TMC7: variants seen among roughly 807,000 people sequenced by gnomAD.
TMC7 encodes transmembrane channel-like protein 7.
A neutral mutation model predicts 82.9 loss-of-function variants in TMC7; 54 were observed. The ratio of observed to expected loss-of-function variants is 0.65; its 90% CI spans 0.52 to 0.82. The LOEUF (loss-of-function observed/expected upper bound fraction) is 0.82. Among genes scored for constraint, TMC7 ranks in the 40% least tolerant of loss-of-function variants. The pLI is 0.00. For missense variants in TMC7, 820 were observed against 901.2 expected (o/e 0.91, Z 1.15); for synonymous variants, 350 against 337.9 (o/e 1.04, Z -0.39).
chr16:19,042,514 T>C (rs934226323), intron 9 of TMC7, among the ~76,000 whole-genome samples: 1 of 151,208 alleles, frequency 6.6e-6, no homozygotes, highest in Non-Finnish European at 1.5e-5. Flanking sequence ...TTTTTTTTTT[T>C]TTCTTTTTTT....
intron 1 of TMC7, among the ~76,000 whole-genome samples, chr16:18,990,550 C>T (rs2038932438): frequency 6.6e-6 from 1 of 152,190 alleles, no homozygotes; most frequent in Non-Finnish European, 1.5e-5. Flanking sequence ...GAAGAGACCA[C>T]CAAACAGGCT....
At chr16:19,053,850 T>C (rs1364881748) in intron 13 of TMC7, among the ~76,000 whole-genome samples, 1 of 54,350 alleles carries the variant, frequency 1.8e-5, no homozygotes. Context: ...CTTTTCTTTC[T>C]TTTTTTTTTT....
chr16:19,002,425 C>T (rs75942085), intron 1 of TMC7, among the ~76,000 whole-genome samples: 19 of 151,930 alleles, frequency 1.3e-4, no homozygotes, highest in Non-Finnish European at 2.2e-4. Context: ...TTAGTAGAGA[C>T]AGGGTTTCAC....
chr16:18,985,696 G>T (rs1433546823), intron 1 of TMC7, among the ~76,000 whole-genome samples: 1 of 134,568 alleles, frequency 7.4e-6, no homozygotes, highest in Non-Finnish European at 1.6e-5. Flanking sequence ...TTAGATAGAT[G>T]AGTTTTTTTT....
At chr16:19,048,185 A>G (rs766081138) in intron 12 of TMC7, among the ~76,000 whole-genome samples, 1 of 149,462 alleles carries the variant, frequency 6.7e-6, no homozygotes, top group Non-Finnish European at 1.5e-5. Context: ...CATGTTGTCC[A>G]GGCTGGTCTT....
At chr16:19,020,240 G>A (rs1959900894) in intron 3 of TMC7, among the ~76,000 whole-genome samples, 1 of 152,130 alleles carries the variant, frequency 6.6e-6, no homozygotes, top group Admixed American at 6.5e-5. Flanking sequence ...CATACTTAAT[G>A]ATGAAATATT....
intron 1 of TMC7, among the ~76,000 whole-genome samples, chr16:19,002,641 G>GC (rs1199172398): frequency 6.6e-6 from 1 of 152,162 alleles, no homozygotes; most frequent in East Asian, 1.9e-4. Flanking sequence ...GCTATGCCTG[G>GC]CCCTGCTCCC....
rs572935299 is a variant in TMC7, at chr16:19,058,607, T to C, written c.2028-809T>C. Among the ~76,000 whole-genome samples, 83 of 152,188 alleles carry C rather than the reference T, an allele frequency of 5.5e-4. 2 individuals carry two copies. The highest frequency in any genetic ancestry group is 2.9e-4 in the Non-Finnish European group (20 of 68,030). On this transcript the variant is annotated intron_variant, in intron 14 of 15. Coordinates refer to ENST00000304381, the MANE Select transcript of TMC7 (RefSeq NM_024847.4). The stretch of plus-strand genomic sequence containing the variant: ...GGCGAACATCTGCAAATTTTAATAT[T>C]AAAAGTAAAAAGCAAGGCATAAGTC...
At chr16:19,040,479 A>G in intron 9 of TMC7, 33 bp downstream of exon 9, 5 of 1,591,010 alleles carry the variant, frequency 3.1e-6, no homozygotes, top group Non-Finnish European at 4.3e-6. Context: ...CAGGCATGTC[A>G]AGCCAGTCAC....
Position 19,062,663 on chromosome 16 carries a change from A to G in TMC7, c.*820A>G, listed in dbSNP as rs1962056170. The G allele has an allele frequency of 1.3e-5, 2 of 152,670 alleles. No homozygotes were observed. The highest frequency in any genetic ancestry group is 4.1e-4 in the South Asian group (2 of 4,836). 9.5% of individuals were successfully genotyped at this position (152,670 alleles called of 1,614,324 possible). ...TAGAATATCTCTTAAGATTTCCGTT[A>G]TGGTAAAAACCATATGCAATAAATA... On this transcript the variant is annotated 3_prime_UTR_variant, in exon 16 of 16. Transcript: ENST00000304381.
chr16:19,039,608 C>A (rs542829746), intron 8 of TMC7, among the ~76,000 whole-genome samples: 1 of 152,092 alleles, frequency 6.6e-6, no homozygotes. Context: ...CTTTTTATTG[C>A]GGATGGCTAT....
At chr16:19,054,077 T>G (rs930342224) in intron 13 of TMC7, among the ~76,000 whole-genome samples, 2 of 152,174 alleles carry the variant, frequency 1.3e-5, no homozygotes, top group Admixed American at 1.3e-4. Flanking sequence ...ACATTTAGGT[T>G]GTTTCCAGCA....
intron 1 of TMC7, among the ~76,000 whole-genome samples, chr16:19,006,031 C>G (rs146660671): frequency 2.5e-4 from 38 of 152,294 alleles, no homozygotes; most frequent in African/African-American, 8.9e-4. Context: ...CTTGACCGGT[C>G]CCCACCTGGC....
At chr16:18,984,585 A>C (rs548873140) in intron 1 of TMC7, 1 of 962,466 alleles carries the variant, frequency 1.0e-6, no homozygotes, top group East Asian at 1.1e-4. Context: ...ACCTTTGGTA[A>C]GTGGCTTGCC....
chr16:19,013,287 C>T (rs767517814), intron 2 of TMC7, among the ~76,000 whole-genome samples: 4 of 151,722 alleles, frequency 2.6e-5, no homozygotes, highest in Admixed American at 6.6e-5. Flanking sequence ...GGTGCGATCT[C>T]GGCTCACCAC....
intron 6 of TMC7, 54 bp downstream of exon 6, chr16:19,030,423 T>C: frequency 1.9e-6 from 3 of 1,560,710 alleles, no homozygotes; most frequent in Non-Finnish European, 1.7e-6. Flanking sequence ...TGGAGGCTAT[T>C]GGAGATATGG....
intron 13 of TMC7, among the ~76,000 whole-genome samples, chr16:19,056,004 C>T (rs868263372): frequency 7.2e-5 from 11 of 152,010 alleles, no homozygotes; most frequent in African/African-American, 2.7e-4. Context: ...ATTTAACTTG[C>T]TCTTCTGTCC....
Position 19,023,214 on chromosome 16 carries a change from C to T in TMC7, c.711+19C>T. On this transcript the variant is annotated intron_variant, in intron 5 of 15. Transcript: ENST00000304381. ...TGGCACTGTAAGTATTTAACATAAT[C>T]CTTTGTTTAGCTCCTCAATCTACTA... 1 of 1,506,144 alleles carries T rather than the reference C, an allele frequency of 6.6e-7. No individual in the cohort carries two copies. The highest frequency in any genetic ancestry group is 9.2e-7 in the Non-Finnish European group (1 of 1,092,544). The allele number at this position is 1,506,144 out of a possible 1,614,324, so 93.3% of individuals were successfully genotyped here.
At chr16:19,009,524 C>T in intron 2 of TMC7, 109 bp downstream of exon 2, 2 of 1,393,734 alleles carry the variant, frequency 1.4e-6, no homozygotes, top group East Asian at 4.6e-5. Flanking sequence ...AAATTTTATT[C>T]CTTAGGGTAA....
Sources: allele counts gnomAD v4.1 joint callset (sites outside exome capture counted in the v4.1 genomes callset), GRCh38; gene constraint gnomAD v4.1.1; transcripts MANE v1.5; gene names NCBI Gene and HGNC (gene_info 2026-07-23, HGNC 2026-07-21).